Variants in NF1 observed in about 807,000 individuals in gnomAD.
NF1 encodes the protein neurofibromin 1.
NF1 carries 122 observed loss-of-function variants against 325.7 expected under a neutral mutation model. The ratio of observed to expected loss-of-function variants is 0.37; its 90% CI spans 0.32 to 0.44. The LOEUF is 0.44. NF1 is among the 20% of genes least tolerant of loss of function. The pLI is 1.00. For missense variants in NF1, 2,140 were observed against 3,415.4 expected (o/e 0.63, Z 9.31); for synonymous variants, 1,091 against 1,186.0 (o/e 0.92, Z 1.65).
Position 31,169,826 on chromosome 17 carries a change from G to A in NF1, c.480-65G>A. ...CTCCTGAAGTGCTGGGATTACAGGT[G>A]TGAGATACCACACCTGTCCCCTAAT... On this transcript the variant is annotated intron_variant, in intron 4 of 57. Coordinates refer to ENST00000358273, the MANE Select transcript of NF1 (RefSeq NM_001042492.3). 8.7e-7 allele frequency: 1 copy of A among 1,151,632 alleles called. No homozygotes were observed. Among genetic ancestry groups the A allele is most frequent in the Non-Finnish European group, 1.3e-6 (1 of 768,978 alleles). 71.3% of individuals were successfully genotyped at this position (1,151,632 alleles called of 1,614,324 possible).
chr17:31,165,414 C>T (rs2065828802), intron 4 of NF1, among the ~76,000 whole-genome samples: 1 of 152,158 alleles, frequency 6.6e-6, no homozygotes, highest in Non-Finnish European at 1.5e-5. Context: ...ACTGAAGGAT[C>T]ACTCACCTAA....
At chr17:31,187,470 C>G (rs183605216) in intron 8 of NF1, among the ~76,000 whole-genome samples, 2 of 152,316 alleles carry the variant, frequency 1.3e-5, no homozygotes, top group South Asian at 2.1e-4. Context: ...TCTAGGATTA[C>G]AGGCATGAGC....
Position 31,214,916 on chromosome 17 carries a change from A to G in NF1, c.1527+331A>G, listed in dbSNP as rs1356954796. ...CAGGTATAATCCTGGTATGGGGGATAGAAGTGACCATCGATCACAGTGTCT... is the reference window on the plus strand; with the variant it reads ...CAGGTATAATCCTGGTATGGGGGATGGAAGTGACCATCGATCACAGTGTCT... On this transcript the variant is annotated intron_variant, in intron 13 of 57. Coordinates refer to ENST00000358273, the MANE Select transcript of NF1 (RefSeq NM_001042492.3). 1.4e-4 allele frequency among the ~76,000 whole-genome samples: 21 copies of G among 152,174 alleles called. 1 individual carries two copies. The highest frequency in any genetic ancestry group is 1.3e-3 in the Admixed American group (20 of 15,268).
rs1006513489 is a variant in NF1, at chr17:31,117,289, C to T, written c.60+21920C>T. Among the ~76,000 whole-genome samples the T allele has an allele frequency of 5.9e-5, 9 of 151,970 alleles. No individual in the cohort carries two copies. The South Asian group carries it at 1.5e-3, about 25-fold the overall frequency. On this transcript the variant is annotated intron_variant, in intron 1 of 57. Coordinates refer to ENST00000358273, the MANE Select transcript of NF1 (RefSeq NM_001042492.3). ...AGCTACCGTGCCTGACCTCCAAAAC[C>T]GTTTTTATTAATTATATTCTTTATT...
chr17:31,098,536 T>G (rs1263156259), intron 1 of NF1, among the ~76,000 whole-genome samples: 3 of 152,124 alleles, frequency 2.0e-5, no homozygotes, highest in Non-Finnish European at 4.4e-5. Flanking sequence ...GGATAACATT[T>G]GTTATTTTTA....
rs2151555437 is a variant in NF1 at position 31,336,977 on chromosome 17, A to G, written c.6427+63A>G. The G allele has an allele frequency of 1.3e-6, 2 of 1,520,402 alleles. No individual in the cohort carries two copies. The highest frequency in any genetic ancestry group is 1.1e-5 in the South Asian group (1 of 88,256). 94.2% of individuals were successfully genotyped at this position (1,520,402 alleles called of 1,614,324 possible). On this transcript the variant is annotated intron_variant, in intron 42 of 57. Transcript: ENST00000358273. The surrounding 1 kb of genome is among the most constrained non-coding windows in gnomAD (Gnocchi z 5.5). ...TTTCTCCATTTTACTTCACCTGATC[A>G]ATATAGATTATCTTATTTATGTTTG...
chr17:31,371,359 A>G (rs2070634094), intron 57 of NF1, among the ~76,000 whole-genome samples: 1 of 152,178 alleles, frequency 6.6e-6, no homozygotes, highest in South Asian at 2.1e-4. Flanking sequence ...ATGCATCATG[A>G]AGGAAAAGGA....
At chr17:31,338,209 T>C (rs541540011) in intron 45 of NF1, 70 bp downstream of exon 45, 8 of 1,120,082 alleles carry the variant, frequency 7.1e-6, no homozygotes, top group African/African-American at 1.5e-5. Flanking sequence ...CTTTCATTTT[T>C]CTAAAAGACG....
At chr17:31,157,675 G>T (rs1403745579) in intron 2 of NF1, among the ~76,000 whole-genome samples, 1 of 151,588 alleles carries the variant, frequency 6.6e-6, no homozygotes, top group African/African-American at 2.4e-5. Flanking sequence ...AATGTTAACT[G>T]TAGGCCAGGC....
intron 57 of NF1, among the ~76,000 whole-genome samples, chr17:31,372,794 T>C (rs2070668735): frequency 1.3e-5 from 2 of 152,176 alleles, no homozygotes; most frequent in Admixed American, 6.5e-5. Context: ...GATGGAAGGA[T>C]TGCTTGAGAC....
chr17:31,333,356 A>G (rs1044911574), intron 39 of NF1, among the ~76,000 whole-genome samples: 1 of 152,220 alleles, frequency 6.6e-6, no homozygotes, highest in African/African-American at 2.4e-5. Flanking sequence ...AAATTGAGGT[A>G]TATCTTGTCA....
intron 36 of NF1, among the ~76,000 whole-genome samples, chr17:31,286,770 GA>G (rs2068236241): frequency 6.6e-6 from 1 of 152,180 alleles, no homozygotes; most frequent in South Asian, 2.1e-4. Flanking sequence ...TGAGGCTTTG[GA>G]TGGCAAATTA....
In NF1 at chr17:31,181,904, T is replaced by A. The variant is rs563723756; in HGVS notation, c.730+119T>A. ...ATAAAGGTGCTTTTACATCTTCTAT[T>A]GTCAACTGGTGTCAAATAGGAAATA... is the stretch of plus-strand genomic sequence containing the variant. On this transcript the variant is annotated intron_variant, in intron 7 of 57. Coordinates refer to ENST00000358273, the MANE Select transcript of NF1 (RefSeq NM_001042492.3). 2.7e-4 allele frequency: 192 copies of A among 720,180 alleles called. No homozygotes were observed. In the East Asian group the frequency reaches 4.9e-3, roughly 18 times the overall value. The allele number at this position is 720,180 out of a possible 1,614,324, so 44.6% of individuals were successfully genotyped here.
At chr17:31,125,959 G>A (rs955351721) in intron 1 of NF1, among the ~76,000 whole-genome samples, 3 of 152,114 alleles carry the variant, frequency 2.0e-5, no homozygotes, top group Non-Finnish European at 2.9e-5. Flanking sequence ...TTATGGGGCC[G>A]GGTGCAGTGG....
Position 31,340,614 on chromosome 17 carries a change from C to T in NF1, c.7031C>T (p.Thr2344Ile), listed in dbSNP as rs2069793613. The change falls in exon 47 of 58, where the codon ACT becomes ATT. Residue 2344 changes from threonine to isoleucine, a missense_variant. Around this residue, in one of 10 missense-constraint regions of NF1, gnomAD observed 522 missense variants for 749.0 expected, o/e 0.70. Transcript: ENST00000358273. ...GTALLEQNLH[T>I]LDSLRIFNDK... The stretch of plus-strand genomic sequence containing the variant: ...GCACTTCTTGAACAAAACCTGCATA[C>T]TTTAGATAGTCTCCGTATATTCAAT... 6.2e-7 allele frequency: 1 copy of T among 1,614,122 alleles called. No homozygotes were observed. The highest frequency in any genetic ancestry group is 8.5e-7 in the Non-Finnish European group (1 of 1,180,004).
At chr17:31,263,059 G>A (rs143428533) in intron 35 of NF1, among the ~76,000 whole-genome samples, 85 of 147,132 alleles carry the variant, frequency 5.8e-4, no homozygotes, top group African/African-American at 1.1e-3. Context: ...AGGTAGGTAG[G>A]TAGGTAGGTA....
At chr17:31,149,050 T>G (rs910165462) in intron 1 of NF1, among the ~76,000 whole-genome samples, 1 of 152,128 alleles carries the variant, frequency 6.6e-6, no homozygotes, top group Non-Finnish European at 1.5e-5. Context: ...AACATATATT[T>G]CTATCTCCTC....
intron 1 of NF1, among the ~76,000 whole-genome samples, chr17:31,134,961 A>G (rs1244411542): frequency 6.6e-6 from 1 of 152,170 alleles, no homozygotes; most frequent in Admixed American, 6.5e-5. Context: ...GAATGTAGGA[A>G]TACTTGCAGA....
chr17:31,289,213 A>G (rs1334695206), intron 36 of NF1, among the ~76,000 whole-genome samples: 1 of 152,210 alleles, frequency 6.6e-6, no homozygotes, highest in Non-Finnish European at 1.5e-5. Flanking sequence ...CATGGTGACT[A>G]AGGGACAGAG....
Sources: gnomAD v4.1 joint callset for allele counts (sites outside exome capture counted in the v4.1 genomes callset) on GRCh38, gnomAD v4.1.1 for gene constraint, gnomAD v4.1.1 regional missense constraint, Gnocchi (gnomAD v3.1) non-coding constraint, MANE v1.5 for transcripts, NCBI Gene and HGNC (gene_info 2026-07-23, HGNC 2026-07-21) for gene names.